BCAS3: variants seen among roughly 807,000 people sequenced by gnomAD.
BCAS3 encodes BCAS4/BCAS3 fusion.
BCAS3 carries 53 observed loss-of-function variants against 116.1 expected under a neutral mutation model. The observed-to-expected ratio is 0.46, with a 90% CI of 0.37 to 0.57. The LOEUF (loss-of-function observed/expected upper bound fraction) is 0.57, where lower values mean the gene tolerates loss of function less well. BCAS3 is among the 20% of genes least tolerant of loss of function. The pLI is 0.00. For synonymous variants in BCAS3, 391 were observed against 408.2 expected (o/e 0.96, Z 0.51); for missense variants, 917 against 1,165.4 (o/e 0.79, Z 3.10).
At chr17:61,262,420 G>A (rs180778695) in intron 22 of BCAS3, among the ~76,000 whole-genome samples, 13 of 148,610 alleles carry the variant, frequency 8.7e-5, no homozygotes, top group East Asian at 2.0e-4. Context: ...TCACTCTTTC[G>A]CCCAGGCTGT....
intron 6 of BCAS3, among the ~76,000 whole-genome samples, chr17:60,781,862 C>T (rs2045864791): frequency 6.6e-6 from 1 of 151,894 alleles, no homozygotes; most frequent in African/African-American, 2.4e-5. Context: ...TCATTTTATT[C>T]TGCTGGAGAC....
At chr17:61,308,791 G>A (rs545785964) in intron 22 of BCAS3, among the ~76,000 whole-genome samples, 4 of 152,224 alleles carry the variant, frequency 2.6e-5, no homozygotes, top group African/African-American at 9.6e-5. Flanking sequence ...GTGATTCCTA[G>A]CCAGCTTATT....
intron 22 of BCAS3, among the ~76,000 whole-genome samples, chr17:61,147,740 A>C (rs963831421): frequency 6.6e-6 from 1 of 152,122 alleles, no homozygotes; most frequent in African/African-American, 2.4e-5. Flanking sequence ...TAATCCCAGC[A>C]CTTCGGGAGG....
At position 61,381,821 on chromosome 17, in the gene BCAS3, G is replaced by A. The variant is rs575664843; in HGVS notation, c.2594-10156G>A. On this transcript the variant is annotated intron_variant, in intron 23 of 23. Coordinates refer to ENST00000407086, the MANE Select transcript of BCAS3 (RefSeq NM_017679.5). The surrounding 1 kb of genome is among the most constrained non-coding windows in gnomAD (Gnocchi z 6.0). ...GGTAGGGTTGCTGTGAGCAGCATGT[G>A]GGACTCTAACACAGGAGCTGGCCAG... 6.6e-6 allele frequency among the ~76,000 whole-genome samples: 1 copy of A among 152,096 alleles called. No individual in the cohort carries two copies. Among genetic ancestry groups the A allele is most frequent in the Non-Finnish European group, 1.5e-5 (1 of 68,016 alleles).
Position 61,229,591 on chromosome 17 carries a change from G to T in BCAS3, c.2426-138736G>T, listed in dbSNP as rs1198029327. ...ATTAAATGTCAACATTCATTTTGAA[G>T]GGGATGCTCAAACTATAGCACAGAC... On this transcript the variant is annotated intron_variant, in intron 22 of 23. Coordinates refer to ENST00000407086, the MANE Select transcript of BCAS3 (RefSeq NM_017679.5). The surrounding 1 kb of genome is among the most constrained non-coding windows in gnomAD (Gnocchi z 4.4). 6.6e-6 allele frequency among the ~76,000 whole-genome samples: 1 copy of T among 152,230 alleles called. No homozygotes were observed. Among genetic ancestry groups the T allele is most frequent in the Non-Finnish European group, 1.5e-5 (1 of 68,044 alleles).
chr17:61,299,442 CAAAAAAAAAAA>C (rs538072648), intron 22 of BCAS3, among the ~76,000 whole-genome samples: 2 of 57,154 alleles, frequency 3.5e-5, no homozygotes, highest in South Asian at 7.4e-4. Context: ...GACTCCATCT[CAAAAAAAAAAA>C]AAAAAAAAAA....
Position 60,993,356 on chromosome 17 carries a change from G to T in BCAS3, c.1486+3121G>T. On this transcript the variant is annotated intron_variant, in intron 15 of 23. Coordinates refer to ENST00000407086, the MANE Select transcript of BCAS3 (RefSeq NM_017679.5). The surrounding 1 kb of genome is among the most constrained non-coding windows in gnomAD (Gnocchi z 4.2). ...TTTCTCTCAGCTTTATTGCTTTCAT[G>T]TCTCTCTGCATGTTTTTTTCAGAAA... Among the ~76,000 whole-genome samples the T allele has an allele frequency of 6.6e-6, 1 of 152,020 alleles. No homozygotes were observed. Among genetic ancestry groups the T allele is most frequent in the East Asian group, 1.9e-4 (1 of 5,196 alleles).
intron 22 of BCAS3, among the ~76,000 whole-genome samples, chr17:61,294,110 A>C (rs570692396): frequency 2.0e-5 from 3 of 152,338 alleles, no homozygotes; most frequent in Non-Finnish European, 4.4e-5. Context: ...TAAGCAATAG[A>C]GTATTTCATC....
Position 61,095,974 on chromosome 17 carries a change from T to C in BCAS3, c.2425+11410T>C, listed in dbSNP as rs1486015868. Among the ~76,000 whole-genome samples, 1 of 152,138 alleles carries C rather than the reference T, an allele frequency of 6.6e-6. No individual in the cohort carries two copies. On this transcript the variant is annotated intron_variant, in intron 22 of 23. Coordinates refer to ENST00000407086, the MANE Select transcript of BCAS3 (RefSeq NM_017679.5). The surrounding 1 kb of genome is among the most constrained non-coding windows in gnomAD (Gnocchi z 4.7). Reference sequence around the variant, plus strand: ...ATCAAATTTGGAAGTATTGACATCTTAAAAATACTAAATCTTTCAAAACAA... The same window carrying C: ...ATCAAATTTGGAAGTATTGACATCTCAAAAATACTAAATCTTTCAAAACAA...
chr17:60,903,650 C>G (rs538342718), intron 11 of BCAS3, among the ~76,000 whole-genome samples: 2 of 152,114 alleles, frequency 1.3e-5, no homozygotes, highest in Non-Finnish European at 2.9e-5. Context: ...GCAGGCTGGT[C>G]TTGAACTTCT....
At chr17:60,969,712 A>G (rs2061850541) in intron 14 of BCAS3, among the ~76,000 whole-genome samples, 1 of 152,242 alleles carries the variant, frequency 6.6e-6, no homozygotes, top group East Asian at 1.9e-4. Flanking sequence ...AAGTACAACA[A>G]AAACCATGTC....
intron 12 of BCAS3, among the ~76,000 whole-genome samples, chr17:60,912,191 A>G (rs2058551389): frequency 6.6e-6 from 1 of 152,128 alleles, no homozygotes; most frequent in Non-Finnish European, 1.5e-5. Flanking sequence ...TAAAAATACA[A>G]TCTAGAATCA....
rs1464236354 is a variant in BCAS3, at chr17:61,286,910, C to T, written c.2426-81417C>T. The stretch of plus-strand genomic sequence containing the variant: ...TTTATGGGCCACCTACTGAGCCAGA[C>T]ACCAGAGATGCAACTAGAAAGATGC... On this transcript the variant is annotated intron_variant, in intron 22 of 23. Transcript: ENST00000407086. This position sits in a 1 kb window ranked among gnomAD's most constrained non-coding sequence, Gnocchi z 4.8. Among the ~76,000 whole-genome samples the T allele has an allele frequency of 6.6e-6, 1 of 152,132 alleles. No homozygotes were observed.
In BCAS3 at chr17:60,689,656, T is replaced by A. The variant is rs759982737; in HGVS notation, c.139-30T>A. 21 of 1,508,546 alleles carry A rather than the reference T, an allele frequency of 1.4e-5. 1 individual carries two copies. In the South Asian group the frequency reaches 2.1e-4, roughly 15 times the overall value. 93.4% of individuals were successfully genotyped at this position (1,508,546 alleles called of 1,614,324 possible). On this transcript the variant is annotated intron_variant, in intron 3 of 23. Coordinates refer to ENST00000407086, the MANE Select transcript of BCAS3 (RefSeq NM_017679.5). ...AGTAATATTAAAGCTGTAAAATATG[T>A]TTATTCAAATGTTTCTGTTTACTAT... is the stretch of plus-strand genomic sequence containing the variant.
rs1233852535 is a variant in BCAS3 at position 61,007,573 on chromosome 17, T to C, written c.1487-8178T>C. 2.6e-5 allele frequency among the ~76,000 whole-genome samples: 4 copies of C among 152,004 alleles called. No individual in the cohort carries two copies. The highest frequency in any genetic ancestry group is 9.7e-5 in the African/African-American group (4 of 41,392). On this transcript the variant is annotated intron_variant, in intron 15 of 23. Transcript: ENST00000407086. This position sits in a 1 kb window ranked among gnomAD's most constrained non-coding sequence, Gnocchi z 4.3. ...TATTCGTACATAAATATATACAGTT[T>C]CAATTCTCCTGAAAGTACACTTTTA...
chr17:61,085,341 C>T (rs1044034128), intron 22 of BCAS3, among the ~76,000 whole-genome samples: 4 of 152,060 alleles, frequency 2.6e-5, no homozygotes, highest in Non-Finnish European at 5.9e-5. Flanking sequence ...AAATACTCGG[C>T]GTTAGTCAAA....
intron 22 of BCAS3, among the ~76,000 whole-genome samples, chr17:61,121,330 T>A (rs1417482530): frequency 6.6e-6 from 1 of 152,212 alleles, no homozygotes; most frequent in East Asian, 1.9e-4. Flanking sequence ...TCTATAGTTT[T>A]GCTATATGAT....
At chr17:61,044,063 G>T (rs1022860263) in intron 19 of BCAS3, among the ~76,000 whole-genome samples, 1 of 151,872 alleles carries the variant, frequency 6.6e-6, no homozygotes, top group Non-Finnish European at 1.5e-5. Flanking sequence ...TTAAATGTAT[G>T]TATAGCTCAC....
intron 6 of BCAS3, among the ~76,000 whole-genome samples, chr17:60,780,895 T>C (rs971053519): frequency 6.6e-6 from 1 of 152,214 alleles, no homozygotes; most frequent in Non-Finnish European, 1.5e-5. Context: ...TTTTGTTAGA[T>C]GTACATACAG....
Sources: gnomAD v4.1 joint callset for allele counts (sites outside exome capture counted in the v4.1 genomes callset) on GRCh38, gnomAD v4.1.1 for gene constraint, Gnocchi (gnomAD v3.1) non-coding constraint, MANE v1.5 for transcripts, NCBI Gene and HGNC (gene_info 2026-07-23, HGNC 2026-07-21) for gene names.